The following PCDHA8 variants were observed in gnomAD, a reference collection of about 807,000 sequenced individuals.
PCDHA8 encodes the protein protocadherin alpha-8.
A neutral mutation model predicts 61.8 loss-of-function variants in PCDHA8; 53 were observed. That is an observed-to-expected ratio of 0.86 (90% CI 0.69 to 1.08). PCDHA8 has a LOEUF of 1.08. Ranked by LOEUF, PCDHA8 falls within the 50% of genes least tolerant of loss-of-function variation. The probability of loss-of-function intolerance (pLI) is 0.00; values close to 1 mark genes in which losing one functional copy is unlikely to be tolerated. For synonymous variants in PCDHA8, 618 were observed against 556.6 expected, an observed-to-expected ratio of 1.11 and a Z score of -1.55; for missense variants, 1,293 against 1,245.0, an observed-to-expected ratio of 1.04 and a Z score of -0.58.
intron 1 of PCDHA8, chr5:140,857,981 C>G (rs377577023): frequency 6.3e-7 from 1 of 1,596,978 alleles, no homozygotes; most frequent in Non-Finnish European, 8.6e-7. Flanking sequence ...GCCACGCCAG[C>G]GCCTACTGGT....
chr5:140,969,128 A>T (rs140518271), intron 1 of PCDHA8: 11 of 1,614,040 alleles, frequency 6.8e-6, no homozygotes, highest in Non-Finnish European at 9.3e-6. Context: ...TGGCTCCCTC[A>T]CCAAGACCTA....
At chr5:140,935,894 CTTT>C (rs55841305) in intron 1 of PCDHA8, among the ~76,000 whole-genome samples, 2 of 136,728 alleles carry the variant, frequency 1.5e-5, no homozygotes, top group African/African-American at 2.7e-5. Context: ...TCAATATTAT[CTTT>C]TTTTTTTTTT....
chr5:140,973,936 G>A (rs2096608372), intron 1 of PCDHA8, among the ~76,000 whole-genome samples: 1 of 152,334 alleles, frequency 6.6e-6, no homozygotes, highest in Admixed American at 6.5e-5. Context: ...AGGTTTAGCT[G>A]AATATGATGG....
Position 140,842,516 on chromosome 5 carries a change from T to C in PCDHA8, c.1195T>C (p.Ser399Pro), listed in dbSNP as rs2150337808. The change falls in exon 1 of 4, where the codon TCC (serine) becomes CCC (proline). Residue 399 changes from serine (S) to proline (P), a missense_variant. Ser to Pro is a moderately conservative substitution (Grantham distance 74). Transcript: ENST00000531613. ...GCCCCATGTCCCCTTCAAGCTGGTG[T>C]CCACCTTCAAGAATTACTACTCGTT... ...LMPHVPFKLV[S>P]TFKNYYSLVL... The C allele has an allele frequency of 1.2e-6, 2 of 1,613,620 alleles. No homozygotes were observed. The highest frequency in any genetic ancestry group is 2.2e-5 in the East Asian group (1 of 44,860).
chr5:140,976,553 A>C (rs1554237789), intron 1 of PCDHA8, among the ~76,000 whole-genome samples: 1 of 152,074 alleles, frequency 6.6e-6, no homozygotes, highest in African/African-American at 2.4e-5. Flanking sequence ...CCTATCTCAT[A>C]AATAAATAAA....
intron 1 of PCDHA8, among the ~76,000 whole-genome samples, chr5:140,953,068 C>A (rs1243228817): frequency 6.6e-6 from 1 of 152,198 alleles, no homozygotes; most frequent in East Asian, 1.9e-4. Context: ...CAGGCCCCAT[C>A]TCCAACATTG....
chr5:140,982,634 T>C, intron 3 of PCDHA8, 71 bp downstream of exon 3: 1 of 1,555,420 alleles, frequency 6.4e-7, no homozygotes, highest in Non-Finnish European at 8.7e-7. Flanking sequence ...TTTTGTAAGA[T>C]CAGGAATGTT....
At position 140,842,491 on chromosome 5, in the gene PCDHA8, GCCCCATGT is replaced by G. The variant is rs1428836968; in HGVS notation, c.1175_1182del (p.His392LeufsTer28). On this transcript the variant is annotated frameshift_variant, in exon 1 of 4. Coordinates refer to ENST00000531613, the MANE Select transcript of PCDHA8 (RefSeq NM_018911.3). LOFTEE classifies it high-confidence loss of function. ...ACGGGCAGGTGACCTGCTCCCTGATGCCCCATGTCCCCTTCAAGCTGGTGTCCACCTTC... is the reference window on the plus strand; with the variant it reads ...ACGGGCAGGTGACCTGCTCCCTGATGCCCCTTCAAGCTGGTGTCCACCTTC... 6.2e-7 allele frequency: 1 copy of G among 1,613,778 alleles called. No individual in the cohort carries two copies. Among genetic ancestry groups the G allele is most frequent in the African/African-American group, 1.3e-5 (1 of 74,866 alleles).
At chr5:140,933,133 G>T (rs782720038) in intron 1 of PCDHA8, among the ~76,000 whole-genome samples, 1 of 151,914 alleles carries the variant, frequency 6.6e-6, no homozygotes, top group Non-Finnish European at 1.5e-5. Context: ...AATAATAAAG[G>T]TAGATAGCCA....
Position 140,857,247 on chromosome 5 carries a change from A to G in PCDHA8, c.2394+13532A>G. ...GTTCCGTTCAAGCTGGTGTCCACCT[A>G]CAAGAATTACTACTCATTGGTGCTG... is the stretch of plus-strand genomic sequence containing the variant. On this transcript the variant is annotated intron_variant, in intron 1 of 3. Coordinates refer to ENST00000531613, the MANE Select transcript of PCDHA8 (RefSeq NM_018911.3). 3 of 1,598,564 alleles carry G rather than the reference A, an allele frequency of 1.9e-6. 1 individual carries two copies. Among genetic ancestry groups the G allele is most frequent in the African/African-American group, 2.7e-5 (2 of 74,420 alleles).
At chr5:140,845,517 A>G (rs1554140912) in intron 1 of PCDHA8, among the ~76,000 whole-genome samples, 1 of 149,602 alleles carries the variant, frequency 6.7e-6, no homozygotes, top group Non-Finnish European at 1.5e-5. Context: ...TTTCTTGTAC[A>G]TTAATACTTT....
chr5:140,850,169 G>C (rs2150470473), intron 1 of PCDHA8: 7 of 1,594,740 alleles, frequency 4.4e-6, no homozygotes, highest in Non-Finnish European at 6.0e-6. Context: ...TGCTGGACGA[G>C]AACGACAATG....
At chr5:140,983,142 CTTGGCATGCATG>C (rs1316699573) in intron 3 of PCDHA8, among the ~76,000 whole-genome samples, 4 of 152,212 alleles carry the variant, frequency 2.6e-5, no homozygotes, top group Admixed American at 6.5e-5. Flanking sequence ...CTTTTAGTGC[CTTGGCATGCATG>C]TTGCCAAACA....
At chr5:141,007,019 A>G (rs1230035062) in intron 3 of PCDHA8, among the ~76,000 whole-genome samples, 1 of 152,192 alleles carries the variant, frequency 6.6e-6, no homozygotes, top group African/African-American at 2.4e-5. Flanking sequence ...CAGCTTATTC[A>G]TATGGTATTT....
chr5:140,871,935 T>A (rs373740331), intron 1 of PCDHA8, among the ~76,000 whole-genome samples: 2 of 152,262 alleles, frequency 1.3e-5, no homozygotes, highest in Non-Finnish European at 2.9e-5. Flanking sequence ...TTAGATCAAC[T>A]GGCTTTGTTT....
intron 3 of PCDHA8, among the ~76,000 whole-genome samples, chr5:140,997,125 A>C (rs2097760835): frequency 6.6e-6 from 1 of 152,072 alleles, no homozygotes; most frequent in Admixed American, 6.6e-5. Context: ...CCACATACAC[A>C]ATGCCCCCAC....
intron 1 of PCDHA8, among the ~76,000 whole-genome samples, chr5:140,926,138 T>C (rs2082936633): frequency 6.6e-6 from 1 of 152,004 alleles, no homozygotes; most frequent in African/African-American, 2.4e-5. Flanking sequence ...CGCAGCAGGA[T>C]CCAGCGCGGA....
rs2150398719 is a variant in PCDHA8 at position 140,847,297 on chromosome 5, C to G, written c.2394+3582C>G. ...GAACGGGAAGACAAACTCAGAAGCT[C>G]CTGCAGTAATCAAGGACAGAAGCAA... On this transcript the variant is annotated intron_variant, in intron 1 of 3. Transcript: ENST00000531613. Among the ~76,000 whole-genome samples the G allele has an allele frequency of 1.1e-4, 16 of 149,638 alleles. 2 individuals carry two copies. The highest frequency in any genetic ancestry group is 3.9e-4 in the African/African-American group (16 of 40,870).
intron 1 of PCDHA8, among the ~76,000 whole-genome samples, chr5:140,904,286 T>A (rs2071021710): frequency 6.6e-6 from 1 of 152,150 alleles, no homozygotes; most frequent in South Asian, 2.1e-4. Context: ...ATGTGGTGTT[T>A]GGTTTTCCAT....
Sources: allele counts gnomAD v4.1 joint callset (sites outside exome capture counted in the v4.1 genomes callset), GRCh38; gene constraint gnomAD v4.1.1; transcripts MANE v1.5; gene names NCBI Gene and HGNC (gene_info 2026-07-23, HGNC 2026-07-21).